SLC25A26: variants seen among roughly 807,000 people sequenced by gnomAD.
The protein encoded by SLC25A26 is mitochondrial S-adenosylmethionine carrier protein.
SLC25A26 carries 36 observed loss-of-function variants against 37.8 expected under a neutral mutation model. The observed-to-expected ratio is 0.95, with a 90% confidence interval of 0.73 to 1.26. The LOEUF is 1.26. Among genes scored for constraint, SLC25A26 ranks in the 50% most tolerant of loss-of-function variants. SLC25A26 has a pLI of 0.00. For missense variants in SLC25A26, 390 were observed against 331.1 expected, an observed-to-expected ratio of 1.18 and a Z score of -1.38; for synonymous variants, 129 against 122.5, an observed-to-expected ratio of 1.05 and a Z score of -0.35.
intron 9 of SLC25A26, among the ~76,000 whole-genome samples, chr3:66,371,647 G>A (rs1263824787): frequency 6.6e-6 from 1 of 152,156 alleles, no homozygotes; most frequent in African/African-American, 2.4e-5. Context: ...AGGGCCTAGT[G>A]GGGGGCATGT....
intron 5 of SLC25A26, among the ~76,000 whole-genome samples, chr3:66,281,586 T>C (rs2107449091): frequency 6.6e-6 from 1 of 152,326 alleles, no homozygotes; most frequent in South Asian, 2.1e-4. Context: ...AATAGCCTAA[T>C]TGAGTTAGAA....
At chr3:66,360,671 T>C (rs368296910) in intron 6 of SLC25A26, among the ~76,000 whole-genome samples, 1 of 152,234 alleles carries the variant, frequency 6.6e-6, no homozygotes, top group Non-Finnish European at 1.5e-5. Context: ...CATCAAAACA[T>C]GTGAACTACT....
At chr3:66,230,961 G>C (rs2071997607) in intron 1 of SLC25A26, among the ~76,000 whole-genome samples, 2 of 152,294 alleles carry the variant, frequency 1.3e-5, no homozygotes, top group South Asian at 4.1e-4. Flanking sequence ...GATCACCTGA[G>C]GTCAGGAGTT....
At chr3:66,160,413 G>A (rs756689034) in intron 1 of SLC25A26, among the ~76,000 whole-genome samples, 3 of 152,168 alleles carry the variant, frequency 2.0e-5, no homozygotes, top group Non-Finnish European at 4.4e-5. Flanking sequence ...AATGTTCAGA[G>A]CCAAAACACT....
upstream of SLC25A26, among the ~76,000 whole-genome samples, chr3:66,218,780 G>A (rs1218823305): frequency 6.6e-6 from 1 of 152,204 alleles, no homozygotes; most frequent in Non-Finnish European, 1.5e-5. Flanking sequence ...AGAGATGTAT[G>A]CCATGAGGGA....
intron 7 of SLC25A26, among the ~76,000 whole-genome samples, chr3:66,367,861 A>G (rs759994752): frequency 7.2e-5 from 11 of 152,224 alleles, no homozygotes; most frequent in Non-Finnish European, 1.3e-4. Flanking sequence ...AAGCTTAGCA[A>G]GTCTCTGAAT....
intron 5 of SLC25A26, among the ~76,000 whole-genome samples, chr3:66,308,587 A>C (rs1266361725): frequency 6.6e-6 from 1 of 152,240 alleles, no homozygotes; most frequent in Non-Finnish European, 1.5e-5. Flanking sequence ...GCCGGTTTTC[A>C]AAGTTAATGC....
At chr3:66,175,278 G>C (rs964802805) in intron 1 of SLC25A26, among the ~76,000 whole-genome samples, 1 of 151,820 alleles carries the variant, frequency 6.6e-6, no homozygotes, top group Non-Finnish European at 1.5e-5. Context: ...AGGCTGAACT[G>C]TTGTGGCATG....
chr3:66,221,212 T>G, intron 1 of SLC25A26, 85 bp downstream of exon 1: 3 of 1,395,862 alleles, frequency 2.1e-6, no homozygotes, highest in Non-Finnish European at 2.8e-6. Flanking sequence ...CTGGTTTTCT[T>G]CCGGTTTTGC....
chr3:66,329,071 C>G (rs1237774597), intron 5 of SLC25A26, among the ~76,000 whole-genome samples: 1 of 152,064 alleles, frequency 6.6e-6, no homozygotes, highest in Non-Finnish European at 1.5e-5. Flanking sequence ...AAGGGTTTGC[C>G]ATTATTATTC....
chr3:66,281,643 T>G (rs952141645), intron 5 of SLC25A26, among the ~76,000 whole-genome samples: 8 of 152,074 alleles, frequency 5.3e-5, no homozygotes, highest in African/African-American at 1.9e-4. Flanking sequence ...GTTCAAGGGA[T>G]TTTACTATAT....
chr3:66,371,108 G>C, intron 9 of SLC25A26: 1 of 1,404,472 alleles, frequency 7.1e-7, no homozygotes, highest in Non-Finnish European at 9.2e-7. Context: ...AGCTCTCTCT[G>C]CAAGATTAAA....
intron 6 of SLC25A26, among the ~76,000 whole-genome samples, chr3:66,360,949 G>C (rs2076692602): frequency 6.6e-6 from 1 of 152,146 alleles, no homozygotes; most frequent in South Asian, 2.1e-4. Flanking sequence ...TAGGTAGAAG[G>C]ACTTTGAAAA....
At chr3:66,253,664 T>C (rs1391762710) in intron 3 of SLC25A26, among the ~76,000 whole-genome samples, 1 of 152,096 alleles carries the variant, frequency 6.6e-6, no homozygotes, top group Non-Finnish European at 1.5e-5. Flanking sequence ...GGAAGACCCA[T>C]TTTGGAATTC....
intron 5 of SLC25A26, among the ~76,000 whole-genome samples, chr3:66,275,380 C>A (rs890116142): frequency 1.3e-5 from 2 of 151,686 alleles, no homozygotes; most frequent in Non-Finnish European, 2.9e-5. Flanking sequence ...TGCACATGTA[C>A]CCTAAAACTT....
chr3:66,310,139 T>A (rs2075336335), intron 5 of SLC25A26, among the ~76,000 whole-genome samples: 1 of 152,346 alleles, frequency 6.6e-6, no homozygotes, highest in South Asian at 2.1e-4. Context: ...AGTCTAAGTT[T>A]CTTTGTAGGT....
At chr3:66,376,791 G>A (rs1700675519) in intron 9 of SLC25A26, among the ~76,000 whole-genome samples, 1 of 152,178 alleles carries the variant, frequency 6.6e-6, no homozygotes, top group Non-Finnish European at 1.5e-5. Context: ...CGTGGGCCAG[G>A]AATGTGTCCT....
intron 5 of SLC25A26, among the ~76,000 whole-genome samples, chr3:66,276,702 C>G (rs533320048): frequency 6.6e-6 from 1 of 151,946 alleles, no homozygotes; most frequent in African/African-American, 2.4e-5. Flanking sequence ...GGTTGATAAT[C>G]TTTGGCCTTG....
intron 1 of SLC25A26, among the ~76,000 whole-genome samples, chr3:66,149,179 C>G (rs771991800): frequency 2.0e-5 from 3 of 152,068 alleles, no homozygotes; most frequent in Non-Finnish European, 4.4e-5. Flanking sequence ...GTGACATGGA[C>G]TCTAGAAAAT....
Sources: allele counts gnomAD v4.1 joint callset (sites outside exome capture counted in the v4.1 genomes callset), GRCh38; gene constraint gnomAD v4.1.1; transcripts MANE v1.5; gene names NCBI Gene and HGNC (gene_info 2026-07-23, HGNC 2026-07-21).